Variants in BNC2 observed in about 807,000 individuals in gnomAD.
The protein encoded by BNC2 is zinc finger protein basonuclin-2.
Under a neutral mutation model 76.3 loss-of-function variants are expected in BNC2, and 20 were observed. The observed-to-expected ratio is 0.26, with a 90% CI of 0.18 to 0.38. The LOEUF (loss-of-function observed/expected upper bound fraction) is 0.38. Among genes scored for constraint, BNC2 ranks in the 10% least tolerant of loss-of-function variants. BNC2 has a pLI of 1.00. For synonymous variants in BNC2, 582 were observed against 514.8 expected (o/e 1.13, Z -1.77); for missense variants, 1,382 against 1,399.8 (o/e 0.99, Z 0.20).
chr9:16,612,959 C>A (rs1436564460), intron 3 of BNC2, among the ~76,000 whole-genome samples: 1 of 152,078 alleles, frequency 6.6e-6, no homozygotes, highest in Non-Finnish European at 1.5e-5. Context: ...GTGATTTCAA[C>A]AAGCCAAGAT....
chr9:16,850,884 G>A lies in BNC2; in HGVS notation c.3+19762C>T, dbSNP rs1331019913. ...AAGTTAACACCAAAAGACTTTTGAA[G>A]ATTCAGAAAATCAAAGCTTATGTCA... On this transcript the variant is annotated intron_variant, in intron 1 of 6. Transcript: ENST00000380672. Among the ~76,000 whole-genome samples, 3 of 152,152 alleles carry A rather than the reference G, an allele frequency of 2.0e-5. No individual in the cohort carries two copies. The South Asian group carries it at 6.2e-4, about 32-fold the overall frequency.
At chr9:16,569,664 G>A (rs1246070478) in intron 4 of BNC2, among the ~76,000 whole-genome samples, 4 of 152,108 alleles carry the variant, frequency 2.6e-5, no homozygotes, top group Non-Finnish European at 4.4e-5. Flanking sequence ...TTATTCTCCC[G>A]CTTCTTCTTT....
At chr9:16,725,215 T>TCACA (rs1184662562) in intron 3 of BNC2, among the ~76,000 whole-genome samples, 170 of 59,584 alleles carry the variant, frequency 2.9e-3, no homozygotes, top group Non-Finnish European at 3.9e-3. Flanking sequence ...AGTCTCTCTC[T>TCACA]CTCACACACA....
rs563504708 is a variant in BNC2, at chr9:16,419,601, G to A, written c.2688C>T (p.Leu896=). The change falls in exon 7 of 7, where the codon CTC becomes CTT. Residue 896 remains leucine (L), a synonymous_variant. Coordinates refer to ENST00000380672, the MANE Select transcript of BNC2 (RefSeq NM_017637.6). ...GCGACGAGTCCAGGCCCATGTCATC[G>A]AGTTCTTTGGTCAACAGTTTACGAT... is the stretch of plus-strand genomic sequence containing the variant. The part of the protein sequence containing the change: ...NLHRKLLTKE[L]DDMGLDSSQP... 3 of 1,601,408 alleles carry A rather than the reference G, an allele frequency of 1.9e-6. No individual in the cohort carries two copies. The highest frequency in any genetic ancestry group is 1.4e-5 in the African/African-American group (1 of 72,894).
chr9:16,422,942 C>T (rs907751949), intron 6 of BNC2, among the ~76,000 whole-genome samples: 10 of 152,066 alleles, frequency 6.6e-5, no homozygotes, highest in African/African-American at 1.7e-4. Flanking sequence ...CAAGTTTATC[C>T]GGATCAGCAA....
intron 5 of BNC2, among the ~76,000 whole-genome samples, chr9:16,444,276 T>C (rs760859448): frequency 1.3e-5 from 2 of 152,180 alleles, no homozygotes; most frequent in Non-Finnish European, 2.9e-5. Flanking sequence ...TTTACATATA[T>C]ATAAATGGGG....
At chr9:16,747,686 T>C (rs10733319) in intron 1 of BNC2, among the ~76,000 whole-genome samples, 130,535 of 152,226 alleles carry the variant, frequency 0.86, 56,434 homozygotes, top group Non-Finnish European at 0.91. Context: ...GTTTCTACCA[T>C]TTTAGACAAG....
At chr9:16,785,276 T>C (rs892865953) in intron 1 of BNC2, among the ~76,000 whole-genome samples, 3 of 152,164 alleles carry the variant, frequency 2.0e-5, no homozygotes, top group African/African-American at 4.8e-5. Context: ...ACCTCCTGTT[T>C]AATAGTGTGG....
chr9:16,555,259 G>A (rs1023284831), intron 4 of BNC2, among the ~76,000 whole-genome samples: 1 of 151,724 alleles, frequency 6.6e-6, no homozygotes, highest in Non-Finnish European at 1.5e-5. Flanking sequence ...TCCTGACCTC[G>A]TGATCCACCC....
intron 1 of BNC2, among the ~76,000 whole-genome samples, chr9:16,757,113 G>T (rs1485800096): frequency 6.6e-6 from 1 of 152,014 alleles, no homozygotes; most frequent in African/African-American, 2.4e-5. Context: ...CACCATGATG[G>T]CAGGGCTCTT....
At chr9:16,441,742 G>A (rs916954193) in intron 5 of BNC2, among the ~76,000 whole-genome samples, 1 of 152,108 alleles carries the variant, frequency 6.6e-6, no homozygotes, top group African/African-American at 2.4e-5. Flanking sequence ...AACAACTAAA[G>A]GCATGATACA....
At chr9:16,703,203 TATCA>T (rs1202614620) in intron 3 of BNC2, among the ~76,000 whole-genome samples, 4 of 152,200 alleles carry the variant, frequency 2.6e-5, no homozygotes, top group African/African-American at 9.6e-5. Flanking sequence ...AAAGTGCTTC[TATCA>T]CTAGGAAAAG....
intron 5 of BNC2, among the ~76,000 whole-genome samples, chr9:16,452,811 G>C (rs911823148): frequency 2.0e-5 from 3 of 152,080 alleles, no homozygotes; most frequent in Admixed American, 2.0e-4. Context: ...ATTCTCTTCT[G>C]GTCTTCCCCT....
chr9:16,634,672 T>TTTGTA (rs1821268130), intron 3 of BNC2, among the ~76,000 whole-genome samples: 2 of 151,948 alleles, frequency 1.3e-5, no homozygotes, highest in South Asian at 4.2e-4. Flanking sequence ...TGGCTAATTT[T>TTTGTA]TTGTATTTTT....
At chr9:16,594,292 C>A (rs1194704046) in intron 3 of BNC2, among the ~76,000 whole-genome samples, 1 of 152,110 alleles carries the variant, frequency 6.6e-6, no homozygotes, top group African/African-American at 2.4e-5. Flanking sequence ...ACAGAAGTAA[C>A]ACAAAAGTTG....
At chr9:16,616,028 T>G (rs1029408290) in intron 3 of BNC2, among the ~76,000 whole-genome samples, 1 of 152,146 alleles carries the variant, frequency 6.6e-6, no homozygotes, top group African/African-American at 2.4e-5. Flanking sequence ...TACATCAAGA[T>G]AACTCCAATT....
chr9:16,808,690 C>T (rs1817972999), intron 1 of BNC2, among the ~76,000 whole-genome samples: 2 of 151,074 alleles, frequency 1.3e-5, no homozygotes, highest in South Asian at 4.2e-4. Flanking sequence ...TGCTATGTTG[C>T]CCAAGCTTTT....
intron 1 of BNC2, among the ~76,000 whole-genome samples, chr9:16,852,903 G>C (rs1181684642): frequency 6.6e-6 from 1 of 152,188 alleles, no homozygotes; most frequent in East Asian, 1.9e-4. Context: ...AGCAAGGCTG[G>C]ATTAGAGGGA....
chr9:16,530,864 T>TA (rs1817954516), intron 5 of BNC2, among the ~76,000 whole-genome samples: 1 of 152,152 alleles, frequency 6.6e-6, no homozygotes, highest in East Asian at 1.9e-4. Flanking sequence ...GCTGGACAGG[T>TA]GTCATGCACA....
Sources: allele counts gnomAD v4.1 joint callset (sites outside exome capture counted in the v4.1 genomes callset), GRCh38; gene constraint gnomAD v4.1.1; transcripts MANE v1.5; gene names NCBI Gene and HGNC (gene_info 2026-07-23, HGNC 2026-07-21).